Variants in SIPA1L1 observed in about 807,000 individuals in gnomAD.
The protein encoded by SIPA1L1 is signal induced proliferation associated 1 like 1, also known as signal-induced proliferation-associated 1-like protein 1.
A neutral mutation model predicts 162.7 loss-of-function variants in SIPA1L1; 26 were observed. The ratio of observed to expected loss-of-function variants is 0.16; its 90% CI spans 0.12 to 0.22. SIPA1L1 has a LOEUF of 0.22. Ranked by LOEUF, SIPA1L1 falls within the 10% of genes least tolerant of loss-of-function variation. The pLI is 1.00. For synonymous variants in SIPA1L1, 829 were observed against 837.4 expected (o/e 0.99, Z 0.17); for missense variants, 1,874 against 2,241.0 (o/e 0.84, Z 3.31).
At chr14:71,433,613 A>G (rs890980968) in intron 2 of SIPA1L1, among the ~76,000 whole-genome samples, 2 of 151,976 alleles carry the variant, frequency 1.3e-5, no homozygotes, top group African/African-American at 4.8e-5. Flanking sequence ...CACTGCACCT[A>G]GTGCTTGTCT....
intron 2 of SIPA1L1, among the ~76,000 whole-genome samples, chr14:71,492,317 C>T (rs559970328): frequency 1.1e-4 from 17 of 152,066 alleles, no homozygotes; most frequent in Non-Finnish European, 2.2e-4. Flanking sequence ...TTTTAATCTT[C>T]AATATAGCCG....
intron 2 of SIPA1L1, among the ~76,000 whole-genome samples, chr14:71,370,100 G>A (rs1385386486): frequency 2.1e-4 from 29 of 136,910 alleles, no homozygotes; most frequent in East Asian, 1.6e-3. Flanking sequence ...CAATCATGTC[G>A]TCTGCAAACA....
intron 12 of SIPA1L1, 36 bp downstream of exon 12, chr14:71,672,658 G>T: frequency 6.2e-7 from 1 of 1,601,170 alleles, no homozygotes; most frequent in Non-Finnish European, 8.5e-7. Context: ...CCTGAGACTC[G>T]AGTGCAGGGT....
chr14:71,634,633 A>G (rs2040935000), intron 7 of SIPA1L1, among the ~76,000 whole-genome samples: 1 of 151,962 alleles, frequency 6.6e-6, no homozygotes, highest in African/African-American at 2.4e-5. Context: ...CAGGAAACCT[A>G]CCCTTAAAAA....
chr14:71,636,065 A>T (rs1363914566), intron 7 of SIPA1L1, among the ~76,000 whole-genome samples: 1 of 152,198 alleles, frequency 6.6e-6, no homozygotes, highest in Non-Finnish European at 1.5e-5. Context: ...GAAGGAAAAA[A>T]ACTGATGAAA....
At chr14:71,682,479 G>A (rs1020890106) in intron 12 of SIPA1L1, among the ~76,000 whole-genome samples, 3 of 152,212 alleles carry the variant, frequency 2.0e-5, no homozygotes, top group Admixed American at 6.5e-5. Flanking sequence ...CAGAAATGGC[G>A]AGTAGCTGAA....
At chr14:71,354,281 C>CTTTTTTTTTTTT (rs553737399) in intron 2 of SIPA1L1, among the ~76,000 whole-genome samples, 1 of 137,746 alleles carries the variant, frequency 7.3e-6, no homozygotes. Flanking sequence ...TCATTTGTTT[C>CTTTTTTTTTTTT]TTTTTTTTTT....
chr14:71,531,202 C>A (rs1337787418), intron 4 of SIPA1L1, among the ~76,000 whole-genome samples: 1 of 152,014 alleles, frequency 6.6e-6, no homozygotes, highest in African/African-American at 2.4e-5. Context: ...GTTGCTGTTT[C>A]ATTTAAATAG....
At chr14:71,486,998 TGTTAA>T (rs2142940124) in intron 2 of SIPA1L1, among the ~76,000 whole-genome samples, 1 of 152,338 alleles carries the variant, frequency 6.6e-6, no homozygotes, top group African/African-American at 2.4e-5. Context: ...CTCCCTAGCA[TGTTAA>T]GAACTGCTTT....
chr14:71,403,599 CAAAAAAAAAAAAA>C (rs147285643), intron 2 of SIPA1L1, among the ~76,000 whole-genome samples: 2 of 69,298 alleles, frequency 2.9e-5, no homozygotes, highest in Non-Finnish European at 2.8e-5. Flanking sequence ...GACTCTGTCT[CAAAAAAAAAAAAA>C]AAAAAAAAAA....
chr14:71,723,564 C>T (rs1566737374), intron 17 of SIPA1L1, 83 bp from the exon 18 acceptor site: 3 of 1,497,910 alleles, frequency 2.0e-6, no homozygotes, highest in Non-Finnish European at 2.8e-6. Flanking sequence ...TTCAACCCAG[C>T]CATCACCCGT....
chr14:71,492,847 A>C (rs1385551566), intron 2 of SIPA1L1, among the ~76,000 whole-genome samples: 1 of 151,624 alleles, frequency 6.6e-6, no homozygotes, highest in Non-Finnish European at 1.5e-5. Context: ...GCTGGTCTCA[A>C]ACTCCTGGGC....
chr14:71,326,282 C>T (rs1470557871), intron 2 of SIPA1L1, among the ~76,000 whole-genome samples: 1 of 151,230 alleles, frequency 6.6e-6, no homozygotes, highest in Admixed American at 6.6e-5. Flanking sequence ...GACCTCGGCT[C>T]ACTACAACCT....
At chr14:71,355,868 A>C (rs2037191938) in intron 2 of SIPA1L1, among the ~76,000 whole-genome samples, 1 of 152,334 alleles carries the variant, frequency 6.6e-6, no homozygotes, top group Middle Eastern at 3.4e-3. Flanking sequence ...AATATTTGCT[A>C]TGAGTGTTGG....
At chr14:71,684,625 T>C (rs4902944) in intron 12 of SIPA1L1, among the ~76,000 whole-genome samples, 151,230 of 151,966 alleles carry the variant, frequency 1, 75,249 homozygotes, top group East Asian at 1. Flanking sequence ...TTTCAGAGCC[T>C]GGTCATGGTG....
intron 2 of SIPA1L1, among the ~76,000 whole-genome samples, chr14:71,399,833 G>C (rs1044048119): frequency 9.2e-5 from 14 of 151,968 alleles, no homozygotes; most frequent in African/African-American, 3.4e-4. Context: ...CGATTCTCCT[G>C]CCTCAGCCTC....
intron 7 of SIPA1L1, among the ~76,000 whole-genome samples, chr14:71,628,636 A>C (rs1391850744): frequency 2.6e-5 from 4 of 152,212 alleles, no homozygotes; most frequent in Non-Finnish European, 5.9e-5. Flanking sequence ...TGAAGGAGAC[A>C]GGGTCATAAA....
chr14:71,336,922 T>C (rs761176824), intron 2 of SIPA1L1, among the ~76,000 whole-genome samples: 2 of 152,230 alleles, frequency 1.3e-5, no homozygotes, highest in Non-Finnish European at 2.9e-5. Flanking sequence ...TTAGTTTTAT[T>C]GTCACTGTCT....
At chr14:71,562,200 T>A (rs947072745) in intron 4 of SIPA1L1, among the ~76,000 whole-genome samples, 2 of 151,976 alleles carry the variant, frequency 1.3e-5, no homozygotes, top group Admixed American at 6.5e-5. Flanking sequence ...GTATAACAAG[T>A]ATCATATCTA....
Sources: allele counts gnomAD v4.1 joint callset (sites outside exome capture counted in the v4.1 genomes callset), GRCh38; gene constraint gnomAD v4.1.1; transcripts MANE v1.5; gene names NCBI Gene and HGNC (gene_info 2026-07-23, HGNC 2026-07-21).